ZNF567: variants seen among roughly 807,000 people sequenced by gnomAD.
The protein encoded by ZNF567 is zinc finger protein 567.
In ZNF567, 36 loss-of-function variants were observed where a neutral mutation model predicts 53.9. The observed-to-expected ratio is 0.67, with a 90% confidence interval of 0.51 to 0.88. ZNF567 has a LOEUF of 0.88. Among genes scored for constraint, ZNF567 ranks in the 40% least tolerant of loss-of-function variants. ZNF567 has a pLI of 0.00. For missense variants in ZNF567, 619 were observed against 764.7 expected (o/e 0.81, Z 2.25); for synonymous variants, 224 against 260.4 (o/e 0.86, Z 1.35).
In ZNF567 at chr19:36,719,970, A is replaced by G. The variant is rs2040239212; in HGVS notation, c.1246A>G (p.Thr416Ala). 6.2e-7 allele frequency: 1 copy of G among 1,614,136 alleles called. No homozygotes were observed. Reference protein sequence around the residue: ...ANLTVHQRTHTGEKPYICNEC... With the variant: ...ANLTVHQRTHAGEKPYICNEC... ...TCTTACTGTACATCAGAGAACTCAT[A>G]CAGGGGAAAAGCCCTATATTTGTAA... The change falls in exon 6 of 6, where the codon ACA becomes GCA. Residue 416 changes from threonine (T) to alanine (A), a missense_variant. By Grantham distance (58) the Thr-to-Ala change is moderately conservative (BLOSUM62 0). Transcript: ENST00000682579.
intron 2 of ZNF567, 91 bp from the exon 3 acceptor site, chr19:36,694,711 G>A (rs927309307): frequency 3.1e-6 from 2 of 642,160 alleles, no homozygotes; most frequent in Admixed American, 3.2e-5. Context: ...ATCAATACAA[G>A]GGAAATGGAG....
At position 36,719,988 on chromosome 19, in the gene ZNF567, A is replaced by G; in HGVS notation, c.1264A>G (p.Ile422Val). The change falls in exon 6 of 6, where the codon ATT becomes GTT. Residue 422 changes from isoleucine to valine, a missense_variant. Ile to Val is a conservative substitution (Grantham distance 29). Coordinates refer to ENST00000682579, the MANE Select transcript of ZNF567 (RefSeq NM_001322917.1). ...QRTHTGEKPYICNECGKSFSQ... is the reference protein window; with the variant it reads ...QRTHTGEKPYVCNECGKSFSQ... ...AACTCATACAGGGGAAAAGCCCTATATTTGTAATGAATGTGGGAAATCCTT... is the reference window on the plus strand; with the variant it reads ...AACTCATACAGGGGAAAAGCCCTATGTTTGTAATGAATGTGGGAAATCCTT... 1 of 1,613,706 alleles carries G rather than the reference A, an allele frequency of 6.2e-7. No individual in the cohort carries two copies. Among genetic ancestry groups the G allele is most frequent in the Non-Finnish European group, 8.5e-7 (1 of 1,179,960 alleles).
intron 5 of ZNF567, among the ~76,000 whole-genome samples, chr19:36,713,838 G>A (rs990615366): frequency 2.0e-5 from 3 of 152,170 alleles, no homozygotes; most frequent in Non-Finnish European, 4.4e-5. Context: ...AGGAGGCTGA[G>A]GCCGGAGAAT....
chr19:36,680,756 C>T, the ZNF567 span, among the ~76,000 whole-genome samples: 4 of 152,152 alleles, frequency 2.6e-5, no homozygotes, highest in African/African-American at 9.7e-5. Context: ...GTGGCTGTAG[C>T]CATTCCTTGA....
chr19:36,720,324 G>GT lies in ZNF567; in HGVS notation c.1603dup (p.Cys535LeufsTer2). The GT allele has an allele frequency of 1.2e-6, 2 of 1,613,562 alleles. No homozygotes were observed. Among genetic ancestry groups the GT allele is most frequent in the Non-Finnish European group, 1.7e-6 (2 of 1,179,852 alleles). On this transcript the variant is annotated frameshift_variant, in exon 6 of 6. Transcript: ENST00000682579. LOFTEE classifies it high-confidence loss of function. The stretch of plus-strand genomic sequence containing the variant: ...AATTCATACAGGGGAGAAACCCTAT[G>GT]TTTGTAATGAATGTGGGAAGTCCTT...
chr19:36,709,614 G>A (rs998931819), intron 3 of ZNF567, among the ~76,000 whole-genome samples: 2 of 151,882 alleles, frequency 1.3e-5, no homozygotes, highest in Non-Finnish European at 2.9e-5. Context: ...ACAGAAGTAA[G>A]CCACCACGCC....
At chr19:36,682,441 T>G in the ZNF567 span, among the ~76,000 whole-genome samples, 1 of 151,750 alleles carries the variant, frequency 6.6e-6, no homozygotes, top group Non-Finnish European at 1.5e-5. Flanking sequence ...TATATGAAGT[T>G]CAAAACCAAA....
Position 36,719,471 on chromosome 19 carries a change from T to TG in ZNF567, c.748dup (p.Glu250GlyfsTer8). 1 of 1,610,148 alleles carries TG rather than the reference T, an allele frequency of 6.2e-7. No homozygotes were observed. Among genetic ancestry groups the TG allele is most frequent in the Non-Finnish European group, 8.5e-7 (1 of 1,179,084 alleles). Reference sequence around the variant, plus strand: ...ATAAAAAAAGAAGAGCAACCAATATTGAAAAAAAACATACATGCAATGAAT... The same window carrying TG: ...ATAAAAAAAGAAGAGCAACCAATATTGGAAAAAAAACATACATGCAATGAAT... On this transcript the variant is annotated frameshift_variant, in exon 6 of 6. Transcript: ENST00000682579. LOFTEE classifies it high-confidence loss of function.
chr19:36,668,950 T>C, the ZNF567 span: 1 of 152,172 alleles, frequency 6.6e-6, no homozygotes, highest in Non-Finnish European at 1.5e-5. Flanking sequence ...GTTGAAAATA[T>C]CTGGGAAAAG....
At chr19:36,690,523 C>G (rs370954169) in intron 2 of ZNF567, among the ~76,000 whole-genome samples, 1 of 151,890 alleles carries the variant, frequency 6.6e-6, no homozygotes, top group African/African-American at 2.4e-5. Context: ...CCAGGGAGGT[C>G]GAGGCTGCAG....
the ZNF567 span, among the ~76,000 whole-genome samples, chr19:36,672,027 T>C: frequency 2.6e-5 from 4 of 152,062 alleles, no homozygotes; most frequent in East Asian, 1.9e-4. Flanking sequence ...CTATGATCAG[T>C]TGATAGAGGT....
chr19:36,690,434 A>G (rs1485391503), intron 2 of ZNF567, among the ~76,000 whole-genome samples: 1 of 152,144 alleles, frequency 6.6e-6, no homozygotes, highest in East Asian at 1.9e-4. Context: ...CTCTACAAAA[A>G]TACAAAAATT....
the ZNF567 span, among the ~76,000 whole-genome samples, chr19:36,677,765 T>C: frequency 6.6e-6 from 1 of 152,076 alleles, no homozygotes; most frequent in African/African-American, 2.4e-5. Context: ...AGACTCCAAC[T>C]CAAAAAAATA....
Position 36,720,462 on chromosome 19 carries a change from CA to C in ZNF567, c.1741del (p.Arg581GlufsTer69). 1 of 1,613,560 alleles carries C rather than the reference CA, an allele frequency of 6.2e-7. No homozygotes were observed. The highest frequency in any genetic ancestry group is 1.1e-5 in the South Asian group (1 of 91,022). Reference protein sequence around the residue: ...FSRKSYLIHHQRTHTGEKPYK... With the variant: ...FSRKSYLIHHXRTHTGEKPYK... ...CAGGAAGTCATATCTCATTCATCATCAAAGAACTCATACGGGAGAGAAACCA... is the reference window on the plus strand; with the variant it reads ...CAGGAAGTCATATCTCATTCATCATCAAGAACTCATACGGGAGAGAAACCA... On this transcript the variant is annotated frameshift_variant, in exon 6 of 6. Transcript: ENST00000682579. LOFTEE classifies it high-confidence loss of function.
intron 5 of ZNF567, among the ~76,000 whole-genome samples, 179 bp from the exon 6 acceptor site, chr19:36,718,769 T>A (rs1025416548): frequency 6.6e-6 from 1 of 152,188 alleles, no homozygotes; most frequent in African/African-American, 2.4e-5. Context: ...TGTTTACATC[T>A]TCATCCTTTT....
intron 1 of ZNF567, among the ~76,000 whole-genome samples, chr19:36,688,472 T>A (rs895514020): frequency 2.0e-5 from 3 of 151,990 alleles, no homozygotes; most frequent in Admixed American, 2.0e-4. Flanking sequence ...TTTTTTTTTT[T>A]AATGGAGAGG....
At chr19:36,684,572 G>A (rs573655665), upstream of ZNF567, among the ~76,000 whole-genome samples, 16 of 152,246 alleles carry the variant, frequency 1.1e-4, no homozygotes, top group African/African-American at 3.9e-4. Flanking sequence ...TACACAACGA[G>A]TTCCTCTTAT....
the ZNF567 span, among the ~76,000 whole-genome samples, chr19:36,673,544 T>C: frequency 6.6e-6 from 1 of 152,344 alleles, no homozygotes; most frequent in East Asian, 1.9e-4. Context: ...GTTAGCAGAC[T>C]GCCTTTAGAC....
In ZNF567 at chr19:36,719,487, T is replaced by C. The variant is rs1168626727; in HGVS notation, c.763T>C (p.Cys255Arg). ...RATNIEKKHT[C>R]NECGKSFCRK... ...AACCAATATTGAAAAAAAACATACA[T>C]GCAATGAATGTGGGAAATCTTTCTG... The change falls in exon 6 of 6, where the codon TGC becomes CGC. Residue 255 changes from cysteine (C) to arginine (R), a missense_variant. Coordinates refer to ENST00000682579, the MANE Select transcript of ZNF567 (RefSeq NM_001322917.1). The C allele has an allele frequency of 6.2e-7, 1 of 1,611,950 alleles. No individual in the cohort carries two copies. Among genetic ancestry groups the C allele is most frequent in the Non-Finnish European group, 8.5e-7 (1 of 1,179,508 alleles).
Sources: allele counts gnomAD v4.1 joint callset (sites outside exome capture counted in the v4.1 genomes callset), GRCh38; gene constraint gnomAD v4.1.1; transcripts MANE v1.5; gene names NCBI Gene and HGNC (gene_info 2026-07-23, HGNC 2026-07-21).